STAG1: variants seen among roughly 807,000 people sequenced by gnomAD.
STAG1 encodes the protein cohesin subunit SA-1.
Under a neutral mutation model 170.9 loss-of-function variants are expected in STAG1, and 26 were observed. The observed-to-expected ratio is 0.15, with a 90% confidence interval of 0.11 to 0.21. The LOEUF is 0.21. STAG1 is among the 10% of genes least tolerant of loss of function. The pLI, the probability that STAG1 is intolerant of heterozygous loss-of-function variation, is 1.00. For missense variants in STAG1, 964 were observed against 1,509.5 expected, an observed-to-expected ratio of 0.64 and a Z score of 5.99; for synonymous variants, 514 against 497.7, an observed-to-expected ratio of 1.03 and a Z score of -0.44.
At chr3:136,688,145 G>A (rs1942599105) in intron 1 of STAG1, among the ~76,000 whole-genome samples, 1 of 152,124 alleles carries the variant, frequency 6.6e-6, no homozygotes, top group Non-Finnish European at 1.5e-5. Context: ...ACCTGTTGAG[G>A]TACTGTTTCA....
intron 13 of STAG1, among the ~76,000 whole-genome samples, chr3:136,456,336 A>G (rs934361719): frequency 2.0e-5 from 3 of 152,208 alleles, no homozygotes; most frequent in African/African-American, 7.2e-5. Context: ...AAAATCAAAT[A>G]TACATCCTAG....
At chr3:136,721,781 G>A (rs952276263) in intron 1 of STAG1, among the ~76,000 whole-genome samples, 9 of 151,976 alleles carry the variant, frequency 5.9e-5, no homozygotes, top group Non-Finnish European at 2.9e-5. Flanking sequence ...AAAATTAGCC[G>A]GGAGTGGTGG....
At chr3:136,643,387 CTA>C (rs1169898669) in intron 1 of STAG1, among the ~76,000 whole-genome samples, 2 of 152,078 alleles carry the variant, frequency 1.3e-5, no homozygotes, top group Non-Finnish European at 2.9e-5. Flanking sequence ...ATGAGAAGTT[CTA>C]TGAGGTGATA....
chr3:136,472,557 A>G (rs986529960), intron 11 of STAG1, 65 bp from the exon 12 acceptor site: 36 of 1,166,030 alleles, frequency 3.1e-5, no homozygotes, highest in African/African-American at 1.1e-4. Flanking sequence ...CAGATCTAAT[A>G]TAATGTATTC....
intron 5 of STAG1, among the ~76,000 whole-genome samples, chr3:136,550,095 T>C (rs1936322592): frequency 6.6e-6 from 1 of 152,112 alleles, no homozygotes; most frequent in East Asian, 1.9e-4. Context: ...TCGTGGTATC[T>C]TTTTTTTGTG....
Position 136,502,617 on chromosome 3 carries a change from A to G in STAG1, c.828+11T>C. ...ACAGAACATAAAATCATCAGTTCCC[A>G]TGAAACTTACCTCTTTGCGTTTCTG... is the stretch of plus-strand genomic sequence containing the variant. On this transcript the variant is annotated intron_variant, in intron 8 of 33. Coordinates refer to ENST00000383202, the MANE Select transcript of STAG1 (RefSeq NM_005862.3). 6.2e-7 allele frequency: 1 copy of G among 1,611,716 alleles called. No individual in the cohort carries two copies. The highest frequency in any genetic ancestry group is 8.5e-7 in the Non-Finnish European group (1 of 1,179,028).
intron 16 of STAG1, among the ~76,000 whole-genome samples, chr3:136,429,340 G>A (rs1013510606): frequency 6.6e-6 from 1 of 152,162 alleles, no homozygotes; most frequent in Non-Finnish European, 1.5e-5. Context: ...CCGGGAGGTG[G>A]AGGTTGCAGT....
chr3:136,537,475 T>C (rs1395580463), intron 6 of STAG1, among the ~76,000 whole-genome samples: 2 of 151,648 alleles, frequency 1.3e-5, no homozygotes, highest in African/African-American at 2.4e-5. Flanking sequence ...TTAAGCCTAA[T>C]AGTGTCTTTT....
intron 1 of STAG1, among the ~76,000 whole-genome samples, chr3:136,699,727 G>A (rs1247666636): frequency 6.6e-6 from 1 of 151,782 alleles, no homozygotes; most frequent in East Asian, 1.9e-4. Flanking sequence ...TAAGCTATCA[G>A]GACACATCCT....
At chr3:136,742,616 G>A (rs1007690429) in intron 1 of STAG1, among the ~76,000 whole-genome samples, 4 of 151,848 alleles carry the variant, frequency 2.6e-5, no homozygotes, top group Non-Finnish European at 4.4e-5. Flanking sequence ...TGTGGAGACT[G>A]AGACAGGAGA....
At chr3:136,472,019 G>A (rs532247527) in intron 12 of STAG1, among the ~76,000 whole-genome samples, 1 of 152,108 alleles carries the variant, frequency 6.6e-6, no homozygotes, top group South Asian at 2.1e-4. Flanking sequence ...TTAATCATTT[G>A]TAGAGACAGG....
intron 23 of STAG1, among the ~76,000 whole-genome samples, chr3:136,373,564 GT>G (rs1937463060): frequency 6.6e-6 from 1 of 152,016 alleles, no homozygotes; most frequent in Admixed American, 6.6e-5. Flanking sequence ...GTTCTCGTTG[GT>G]TTCAAAGAAC....
chr3:136,686,214 T>A (rs538874754), intron 1 of STAG1, among the ~76,000 whole-genome samples: 25 of 152,300 alleles, frequency 1.6e-4, no homozygotes, highest in South Asian at 8.3e-4. Context: ...TCCAAATTAG[T>A]TGGGTGTCAC....
intron 4 of STAG1, among the ~76,000 whole-genome samples, chr3:136,589,682 G>A (rs1318691835): frequency 7.2e-6 from 1 of 138,928 alleles, no homozygotes; most frequent in Non-Finnish European, 1.5e-5. Context: ...TGTAATCCCA[G>A]CACTTTGGGA....
At chr3:136,400,172 C>T (rs889227580) in intron 21 of STAG1, among the ~76,000 whole-genome samples, 1 of 152,074 alleles carries the variant, frequency 6.6e-6, no homozygotes, top group African/African-American at 2.4e-5. Flanking sequence ...ATCCACCTGC[C>T]TTGGTGTCCC....
At chr3:136,546,416 G>A (rs893534049) in intron 5 of STAG1, among the ~76,000 whole-genome samples, 2 of 151,938 alleles carry the variant, frequency 1.3e-5, no homozygotes, top group African/African-American at 4.8e-5. Flanking sequence ...AAAATTTTCA[G>A]GATATTATTA....
chr3:136,416,138 G>A (rs764576343), intron 21 of STAG1, among the ~76,000 whole-genome samples: 5 of 152,014 alleles, frequency 3.3e-5, no homozygotes, highest in Admixed American at 6.6e-5. Flanking sequence ...CTCCCGAGTA[G>A]CTGGGACTAC....
At chr3:136,522,946 A>G (rs1276335178) in intron 6 of STAG1, among the ~76,000 whole-genome samples, 2 of 151,918 alleles carry the variant, frequency 1.3e-5, no homozygotes, top group African/African-American at 4.8e-5. Flanking sequence ...TATGTGCCAT[A>G]TTTTCTTAAT....
chr3:136,580,988 T>A (rs1273723115), intron 4 of STAG1, among the ~76,000 whole-genome samples: 1 of 152,034 alleles, frequency 6.6e-6, no homozygotes, highest in Non-Finnish European at 1.5e-5. Context: ...CAACTGTCAG[T>A]CACAATTATA....
Sources: gnomAD v4.1 joint callset for allele counts (sites outside exome capture counted in the v4.1 genomes callset) on GRCh38, gnomAD v4.1.1 for gene constraint, MANE v1.5 for transcripts, NCBI Gene and HGNC (gene_info 2026-07-23, HGNC 2026-07-21) for gene names.